NRXN3: variants seen among roughly 807,000 people sequenced by gnomAD.
NRXN3 encodes the protein neurexin 3, also known as neurexin III.
Under a neutral mutation model 137.6 loss-of-function variants are expected in NRXN3, and 32 were observed. The ratio of observed to expected loss-of-function variants is 0.23; its 90% CI spans 0.18 to 0.31. NRXN3 has a LOEUF of 0.31. NRXN3 is among the 10% of genes least tolerant of loss of function. The probability of loss-of-function intolerance (pLI) is 1.00; values close to 1 mark genes in which losing one functional copy is unlikely to be tolerated. For synonymous variants in NRXN3, 798 were observed against 784.5 expected, an observed-to-expected ratio of 1.02 and a Z score of -0.29; for missense variants, 1,574 against 2,062.5, an observed-to-expected ratio of 0.76 and a Z score of 4.59.
chr14:78,437,209 A>T (rs987184932), intron 4 of NRXN3, among the ~76,000 whole-genome samples: 5 of 152,234 alleles, frequency 3.3e-5, no homozygotes, highest in African/African-American at 9.6e-5. Context: ...AAACCAAGGC[A>T]TGGAAAGGTA....
intron 10 of NRXN3, among the ~76,000 whole-genome samples, chr14:78,924,538 T>G (rs1385057215): frequency 6.6e-6 from 1 of 152,284 alleles, no homozygotes. Context: ...CATGGCCTAT[T>G]GTCAGAGTAG....
At chr14:79,623,021 G>T (rs2098241701) in intron 16 of NRXN3, among the ~76,000 whole-genome samples, 2 of 152,064 alleles carry the variant, frequency 1.3e-5, no homozygotes, top group Non-Finnish European at 2.9e-5. Context: ...AGTGATATTG[G>T]CAAATACTAT....
intron 15 of NRXN3, among the ~76,000 whole-genome samples, chr14:79,108,452 AC>A (rs1274580447): frequency 6.6e-6 from 1 of 152,164 alleles, no homozygotes; most frequent in East Asian, 1.9e-4. Flanking sequence ...ATAGTAAAGC[AC>A]TCAATGGAGA....
At chr14:78,548,254 T>C (rs1282129268) in intron 4 of NRXN3, among the ~76,000 whole-genome samples, 1 of 132,258 alleles carries the variant, frequency 7.6e-6, no homozygotes, top group African/African-American at 2.6e-5. Flanking sequence ...TTTGATAAGC[T>C]ATCTGGATAT....
chr14:78,600,038 C>CGT (rs2097190100), intron 4 of NRXN3, among the ~76,000 whole-genome samples: 1 of 152,186 alleles, frequency 6.6e-6, no homozygotes, highest in South Asian at 2.1e-4. Flanking sequence ...GGTTCAGCCA[C>CGT]GTGTCCCTTA....
At chr14:78,813,829 G>GA (rs1276031580) in intron 10 of NRXN3, among the ~76,000 whole-genome samples, 1 of 151,948 alleles carries the variant, frequency 6.6e-6, no homozygotes, top group Admixed American at 6.6e-5. Flanking sequence ...ATCTTGAGGG[G>GA]AAAAAAAGCA....
chr14:79,832,883 T>A (rs1356015992), intron 20 of NRXN3, among the ~76,000 whole-genome samples: 1 of 152,196 alleles, frequency 6.6e-6, no homozygotes, highest in East Asian at 1.9e-4. Context: ...TTAAAAGTTA[T>A]AAATAAAGCT....
At chr14:79,399,036 A>AG (rs1363042282) in intron 15 of NRXN3, among the ~76,000 whole-genome samples, 20 of 149,252 alleles carry the variant, frequency 1.3e-4, no homozygotes, top group African/African-American at 3.2e-4. Context: ...AAGAAGAAGA[A>AG]AAAAAAAAAG....
At chr14:78,333,986 G>T (rs1186479308) in intron 4 of NRXN3, among the ~76,000 whole-genome samples, 3 of 152,246 alleles carry the variant, frequency 2.0e-5, no homozygotes, top group East Asian at 3.9e-4. Flanking sequence ...GGAAGGTAGA[G>T]CCAGCAGTAT....
At chr14:78,333,458 G>T (rs931850143) in intron 4 of NRXN3, among the ~76,000 whole-genome samples, 1 of 152,152 alleles carries the variant, frequency 6.6e-6, no homozygotes, top group African/African-American at 2.4e-5. Flanking sequence ...TGGGAGAGTA[G>T]GGTAGAGAAG....
At chr14:79,401,677 C>T (rs2095199482) in intron 15 of NRXN3, among the ~76,000 whole-genome samples, 1 of 152,104 alleles carries the variant, frequency 6.6e-6, no homozygotes, top group Admixed American at 6.5e-5. Context: ...AGGTGTTGCT[C>T]TTTCAGCTTT....
At chr14:78,868,286 C>T (rs1312832004) in intron 10 of NRXN3, among the ~76,000 whole-genome samples, 2 of 151,950 alleles carry the variant, frequency 1.3e-5, no homozygotes, top group African/African-American at 2.4e-5. Flanking sequence ...AATATTAGTT[C>T]CTTTTTTCCT....
chr14:78,539,387 C>G (rs1408125892), intron 4 of NRXN3, among the ~76,000 whole-genome samples: 2 of 152,178 alleles, frequency 1.3e-5, no homozygotes, highest in Non-Finnish European at 2.9e-5. Context: ...TCTAGATTTT[C>G]TAGTTCATTT....
Position 79,697,898 on chromosome 14 carries a change from T to A in NRXN3, c.3975T>A (p.Thr1325=), listed in dbSNP as rs774357048. The A allele has an allele frequency of 6.2e-7, 1 of 1,612,958 alleles. No homozygotes were observed. Among genetic ancestry groups the A allele is most frequent in the Non-Finnish European group, 8.5e-7 (1 of 1,179,200 alleles). Reference sequence around the variant, plus strand: ...TGGAAACCACTACTACAATGGCGACTACCACAACCCGTAAGAATCGCTCTA... The same window carrying A: ...TGGAAACCACTACTACAATGGCGACAACCACAACCCGTAAGAATCGCTCTA... ...TVMETTTTMA[T]TTTRKNRSTA... The change falls in exon 19 of 21, where the codon ACT becomes ACA. Residue 1325 remains threonine (T), a synonymous_variant. Coordinates refer to ENST00000335750, the MANE Select transcript of NRXN3 (RefSeq NM_001330195.2).
rs2099609330 is a variant in NRXN3, at chr14:79,032,177, A to AT, written c.3262+44040dup. 2.0e-5 allele frequency among the ~76,000 whole-genome samples: 3 copies of AT among 152,286 alleles called. No homozygotes were observed. In the South Asian group the frequency reaches 6.2e-4, roughly 32 times the overall value. ...CAATTAGTATTTAAAGGTACTTGATATTTTAGGTGGGAAATTTATTTTCTC... is the reference window on the plus strand; with the variant it reads ...CAATTAGTATTTAAAGGTACTTGATATTTTTAGGTGGGAAATTTATTTTCTC... On this transcript the variant is annotated intron_variant, in intron 15 of 20. Coordinates refer to ENST00000335750, the MANE Select transcript of NRXN3 (RefSeq NM_001330195.2).
At chr14:79,010,408 C>A (rs1286373756) in intron 15 of NRXN3, among the ~76,000 whole-genome samples, 2 of 152,190 alleles carry the variant, frequency 1.3e-5, no homozygotes, top group Admixed American at 6.5e-5. Context: ...GCATATCATA[C>A]ATAATATCCT....
chr14:79,802,923 C>G (rs1474846766), intron 19 of NRXN3, among the ~76,000 whole-genome samples: 1 of 152,056 alleles, frequency 6.6e-6, no homozygotes, highest in Non-Finnish European at 1.5e-5. Flanking sequence ...GGATAAACAG[C>G]TGATACACGC....
At chr14:78,760,871 G>A (rs927335490) in intron 8 of NRXN3, among the ~76,000 whole-genome samples, 2 of 152,118 alleles carry the variant, frequency 1.3e-5, no homozygotes, top group African/African-American at 4.8e-5. Context: ...TTCCTCATGA[G>A]GAGATAGGAG....
At chr14:79,218,304 C>T (rs961310111) in intron 15 of NRXN3, among the ~76,000 whole-genome samples, 4 of 152,258 alleles carry the variant, frequency 2.6e-5, no homozygotes, top group Middle Eastern at 6.8e-3. Context: ...GCTCTGCTAC[C>T]GTTTAATGAC....
Sources: gnomAD v4.1 joint callset for allele counts (sites outside exome capture counted in the v4.1 genomes callset) on GRCh38, gnomAD v4.1.1 for gene constraint, MANE v1.5 for transcripts, NCBI Gene and HGNC (gene_info 2026-07-23, HGNC 2026-07-21) for gene names.